SUMF1: variants seen among roughly 807,000 people sequenced by gnomAD.
SUMF1 encodes the protein formylglycine-generating enzyme.
Under a neutral mutation model 47.6 loss-of-function variants are expected in SUMF1, and 48 were observed. The observed-to-expected ratio is 1.01, with a 90% confidence interval of 0.80 to 1.28. The LOEUF (loss-of-function observed/expected upper bound fraction) is 1.28. SUMF1 is among the 50% of genes most tolerant of loss of function. The pLI, the probability that SUMF1 is intolerant of heterozygous loss-of-function variation, is 0.00. For missense variants in SUMF1, 571 were observed against 485.4 expected, an observed-to-expected ratio of 1.18 and a Z score of -1.66; for synonymous variants, 230 against 192.1, an observed-to-expected ratio of 1.20 and a Z score of -1.63.
chr3:4,258,244 A>C (rs972368075), intron 8 of SUMF1, among the ~76,000 whole-genome samples: 2 of 149,348 alleles, frequency 1.3e-5, no homozygotes, highest in African/African-American at 5.1e-5. Context: ...ATGGCAACAA[A>C]AGACAAAATT....
intron 7 of SUMF1, among the ~76,000 whole-genome samples, chr3:4,389,762 T>C (rs1475003441): frequency 2.0e-5 from 3 of 152,206 alleles, no homozygotes; most frequent in Admixed American, 6.5e-5. Context: ...GCCCATACAC[T>C]GAGCTTTTTA....
At chr3:4,182,043 A>G (rs1695107111) in intron 8 of SUMF1, among the ~76,000 whole-genome samples, 1 of 152,292 alleles carries the variant, frequency 6.6e-6, no homozygotes, top group African/African-American at 2.4e-5. Flanking sequence ...AATACAAGGC[A>G]TACTGTGATA....
intron 8 of SUMF1, among the ~76,000 whole-genome samples, chr3:4,245,454 T>C (rs568712256): frequency 6.6e-5 from 10 of 152,222 alleles, no homozygotes; most frequent in Admixed American, 6.5e-5. Context: ...GTTGATGCTA[T>C]TCCTTTCTGT....
At chr3:4,357,894 C>T (rs1699657711), downstream of SUMF1, among the ~76,000 whole-genome samples, 1 of 152,092 alleles carries the variant, frequency 6.6e-6, no homozygotes, top group African/African-American at 2.4e-5. Flanking sequence ...AGGCATGAGC[C>T]ACCGTGCCTG....
At chr3:4,375,405 G>A (rs1256173902) in intron 8 of SUMF1, among the ~76,000 whole-genome samples, 1 of 152,122 alleles carries the variant, frequency 6.6e-6, no homozygotes, top group East Asian at 1.9e-4. Context: ...GCAATGCCCA[G>A]CTCACACTGA....
chr3:4,229,279 A>AT (rs1340620254), intron 8 of SUMF1: 1 of 353,750 alleles, frequency 2.8e-6, no homozygotes, highest in African/African-American at 2.2e-5. Flanking sequence ...CCTCCTTCAT[A>AT]TGCTAGCAAC....
intron 3 of SUMF1, among the ~76,000 whole-genome samples, chr3:4,442,423 T>TC (rs767742929): frequency 4.4e-4 from 2 of 4,508 alleles, no homozygotes; most frequent in Non-Finnish European, 0.083. Flanking sequence ...GCCCGGCTAA[T>TC]TTTTTTTTTG....
intron 8 of SUMF1, among the ~76,000 whole-genome samples, chr3:4,227,870 T>C (rs1030283485): frequency 2.6e-5 from 4 of 152,158 alleles, no homozygotes; most frequent in African/African-American, 7.2e-5. Context: ...TAATTTTCAT[T>C]ACTTTATTGC....
chr3:4,101,054 G>A (rs925862429), intron 8 of SUMF1, among the ~76,000 whole-genome samples: 49 of 152,028 alleles, frequency 3.2e-4, no homozygotes, highest in African/African-American at 1.2e-3. Context: ...CACCGTCGGT[G>A]ATATTATAAA....
In SUMF1 at chr3:4,052,232, G is replaced by A. The variant is rs78426271; in HGVS notation, c.1191+16337C>T. 2.2e-3 allele frequency among the ~76,000 whole-genome samples: 338 copies of A among 152,166 alleles called. 1 individual carries two copies. The highest frequency in any genetic ancestry group is 7.4e-3 in the African/African-American group (306 of 41,514). On this transcript the variant is annotated intron_variant and NMD_transcript_variant, in intron 9 of 12. Transcript: ENST00000448413. ...GGACGGGGCAAGGCAGCTCTCTTTG[G>A]TCTCTTTTACAAGAGCACTAATCCC...
At chr3:4,121,877 C>T (rs193086450) in intron 8 of SUMF1, among the ~76,000 whole-genome samples, 40 of 152,212 alleles carry the variant, frequency 2.6e-4, no homozygotes, top group African/African-American at 9.2e-4. Context: ...CCATCCTCCC[C>T]GCTCTGATAG....
intron 8 of SUMF1, among the ~76,000 whole-genome samples, chr3:4,369,416 G>A (rs1197616057): frequency 6.6e-6 from 1 of 152,166 alleles, no homozygotes; most frequent in Non-Finnish European, 1.5e-5. Context: ...ATTCCATGCA[G>A]GGCCTACTCG....
At chr3:4,343,488 T>C (rs947537924) in intron 8 of SUMF1, among the ~76,000 whole-genome samples, 1 of 152,178 alleles carries the variant, frequency 6.6e-6, no homozygotes, top group African/African-American at 2.4e-5. Context: ...GTTGGACCAA[T>C]TAGCATACCC....
chr3:4,075,438 G>C (rs1692409499), intron 8 of SUMF1, among the ~76,000 whole-genome samples: 1 of 152,078 alleles, frequency 6.6e-6, no homozygotes, highest in South Asian at 2.1e-4. Flanking sequence ...ACAAGACAAA[G>C]ATGCCCTCTC....
intron 8 of SUMF1, among the ~76,000 whole-genome samples, chr3:4,333,819 A>G (rs1699094576): frequency 7.8e-6 from 1 of 128,332 alleles, no homozygotes; most frequent in Non-Finnish European, 1.5e-5. Flanking sequence ...CTAAGCACAT[A>G]ATTTTTTTTT....
chr3:4,355,994 C>T (rs1171737897), intron 8 of SUMF1, among the ~76,000 whole-genome samples: 2 of 152,206 alleles, frequency 1.3e-5, no homozygotes, highest in Non-Finnish European at 1.5e-5. Context: ...TCTCATTTTA[C>T]AGCCTACCTG....
At position 4,353,352 on chromosome 3, in the gene SUMF1, A is replaced by C. The variant is rs561929648; in HGVS notation, c.1014+22978T>G. Among the ~76,000 whole-genome samples the C allele has an allele frequency of 6.6e-3, 1,009 of 152,254 alleles. 6 individuals carry two copies. Among genetic ancestry groups the C allele is most frequent in the Non-Finnish European group, 0.012 (824 of 68,000 alleles). On this transcript the variant is annotated intron_variant and NMD_transcript_variant, in intron 8 of 12. Transcript: ENST00000448413. ...ACTGCAAACTCCGCCTCCCAGGTTC[A>C]CACCATTCTCCTGCCTCAGCCTCCC...
Position 4,120,757 on chromosome 3 carries a change from C to T in SUMF1, c.1015-52012G>A, listed in dbSNP as rs982879707. Reference sequence around the variant, plus strand: ...GCTGGACTGCTGGTTCTATACTCTACCCCTCCTTCAACAAGACCCCCAACT... The same window carrying T: ...GCTGGACTGCTGGTTCTATACTCTATCCCTCCTTCAACAAGACCCCCAACT... On this transcript the variant is annotated intron_variant and NMD_transcript_variant, in intron 8 of 12. Transcript: ENST00000448413. 2.6e-5 allele frequency among the ~76,000 whole-genome samples: 4 copies of T among 152,126 alleles called. 1 individual carries two copies. Among genetic ancestry groups the T allele is most frequent in the Non-Finnish European group, 5.9e-5 (4 of 68,028 alleles).
intron 8 of SUMF1, among the ~76,000 whole-genome samples, chr3:4,216,066 A>G (rs1284445655): frequency 1.3e-5 from 2 of 152,216 alleles, no homozygotes; most frequent in African/African-American, 4.8e-5. Flanking sequence ...GAACCAAAAA[A>G]GAGCCCACAT....
Sources: allele counts gnomAD v4.1 joint callset (sites outside exome capture counted in the v4.1 genomes callset), GRCh38; gene constraint gnomAD v4.1.1; transcripts MANE v1.5; gene names NCBI Gene and HGNC (gene_info 2026-07-23, HGNC 2026-07-21).